Variants in VEZT observed in about 807,000 individuals in gnomAD.
VEZT encodes vezatin.
A neutral mutation model predicts 79.9 loss-of-function variants in VEZT; 39 were observed. That is an observed-to-expected ratio of 0.49 (90% CI 0.38 to 0.64). VEZT has a LOEUF of 0.64. VEZT is among the 30% of genes least tolerant of loss of function. VEZT has a pLI of 0.00. For missense variants in VEZT, 837 were observed against 893.1 expected, an observed-to-expected ratio of 0.94 and a Z score of 0.80; for synonymous variants, 325 against 327.6, an observed-to-expected ratio of 0.99 and a Z score of 0.09.
At chr12:95,299,710 C>T (rs73227441) in intron 11 of VEZT, 3,886 of 152,368 alleles carry the variant, frequency 0.026, 99 homozygotes, top group South Asian at 0.11. Context: ...CTGCTTATTC[C>T]CTAATACAAT....
chr12:95,222,798 C>T (rs142708429), intron 1 of VEZT, among the ~76,000 whole-genome samples: 3 of 152,266 alleles, frequency 2.0e-5, no homozygotes, highest in East Asian at 1.9e-4. Flanking sequence ...TCTTCCAATC[C>T]GTGAACATTT....
intron 11 of VEZT, among the ~76,000 whole-genome samples, chr12:95,297,483 T>C (rs1406279893): frequency 6.6e-6 from 1 of 152,126 alleles, no homozygotes; most frequent in African/African-American, 2.4e-5. Context: ...TTCTTCCCAT[T>C]GGCCCCCTTT....
At chr12:95,278,840 G>C (rs985444562) in intron 7 of VEZT, among the ~76,000 whole-genome samples, 1 of 152,202 alleles carries the variant, frequency 6.6e-6, no homozygotes, top group Non-Finnish European at 1.5e-5. Flanking sequence ...AGGCCAAGGC[G>C]GGCGGATCAA....
At position 95,295,919 on chromosome 12, in the gene VEZT, C is replaced by G. The variant is rs545406527; in HGVS notation, c.1624-132C>G. ...TATTTGCTTTTTTCTTTTCCTAGCT[C>G]TGCTTTAATGACCTGTGCCAAATGC... is the stretch of plus-strand genomic sequence containing the variant. On this transcript the variant is annotated intron_variant, in intron 10 of 11. Coordinates refer to ENST00000436874, the MANE Select transcript of VEZT (RefSeq NM_017599.4). 9 of 659,536 alleles carry G rather than the reference C, an allele frequency of 1.4e-5. No individual in the cohort carries two copies. The East Asian group carries it at 2.6e-4, about 19-fold the overall frequency. 40.9% of individuals were successfully genotyped at this position (659,536 alleles called of 1,614,324 possible).
chr12:95,219,330 CA>C (rs1002072970), intron 1 of VEZT, among the ~76,000 whole-genome samples: 5 of 152,144 alleles, frequency 3.3e-5, no homozygotes, highest in African/African-American at 1.2e-4. Context: ...TCCCACCACC[CA>C]AAGATGGTAA....
chr12:95,248,457 T>C (rs2062010985), intron 1 of VEZT, among the ~76,000 whole-genome samples: 1 of 152,220 alleles, frequency 6.6e-6, no homozygotes, highest in Non-Finnish European at 1.5e-5. Flanking sequence ...CTTGTTTCTC[T>C]TCTGGTTATC....
intron 8 of VEZT, 109 bp from the exon 9 acceptor site, chr12:95,287,555 G>T: frequency 9.6e-7 from 1 of 1,038,336 alleles, no homozygotes; most frequent in Non-Finnish European, 1.3e-6. Context: ...CACCTGCCTT[G>T]GCCTCCCAAA....
chr12:95,259,920 CTTAA>C (rs2064092151), intron 3 of VEZT, among the ~76,000 whole-genome samples: 1 of 152,030 alleles, frequency 6.6e-6, no homozygotes, highest in Non-Finnish European at 1.5e-5. Context: ...AAGAAAGAAA[CTTAA>C]TTCATTAATC....
intron 1 of VEZT, among the ~76,000 whole-genome samples, chr12:95,222,218 T>TA (rs1297900903): frequency 1.3e-5 from 2 of 152,220 alleles, no homozygotes; most frequent in East Asian, 1.9e-4. Flanking sequence ...TTAGTGCTGT[T>TA]AAAAAAATAT....
Position 95,240,995 on chromosome 12 carries a change from C to T in VEZT, c.37-10945C>T, listed in dbSNP as rs139883385. 4.5e-3 allele frequency among the ~76,000 whole-genome samples: 682 copies of T among 152,068 alleles called. 6 individuals are homozygous for T. The highest frequency in any genetic ancestry group is 0.014 in the Middle Eastern group (4 of 294). The stretch of plus-strand genomic sequence containing the variant: ...ATCTCTACACACTAGATACCAGTAG[C>T]GCTGCTCACATCCACCCCACAGTTT... On this transcript the variant is annotated intron_variant, in intron 1 of 11. Transcript: ENST00000436874.
chr12:95,244,584 T>C lies in VEZT; in HGVS notation c.37-7356T>C, dbSNP rs556368887. ...GTCACTTTAGTCTTTCCCCACCCTC[T>C]TGCCTCTTTTTTTTTTTTTCTGAGA... On this transcript the variant is annotated intron_variant, in intron 1 of 11. Transcript: ENST00000436874. Among the ~76,000 whole-genome samples, 12 of 150,480 alleles carry C rather than the reference T, an allele frequency of 8.0e-5. No homozygotes were observed. The South Asian group carries it at 2.5e-3, about 32-fold the overall frequency.
rs760021396 is a variant in VEZT, at chr12:95,266,394, G to A, written c.472G>A (p.Val158Ile). Residue 158 changes from valine (V) to isoleucine (I), a missense_variant, in exon 5 of 12, where the codon GTT becomes ATT. By Grantham distance (29) the Val-to-Ile change is conservative. Coordinates refer to ENST00000436874, the MANE Select transcript of VEZT (RefSeq NM_017599.4). ...SMLFAFISLL[V>I]MLPTWWIVSS... ...GCTATTTGCCTTCATTAGCTTGCTC[G>A]TTATGCTTCCCACTTGGTGGATTGT... is the stretch of plus-strand genomic sequence containing the variant. 2.2e-5 allele frequency: 36 copies of A among 1,613,332 alleles called. No homozygotes were observed. The Admixed American group carries it at 4.0e-4, about 18-fold the overall frequency.
intron 9 of VEZT, among the ~76,000 whole-genome samples, chr12:95,289,005 A>G (rs987706876): frequency 6.6e-6 from 1 of 151,628 alleles, no homozygotes; most frequent in African/African-American, 2.4e-5. Flanking sequence ...CTTAAGCCCA[A>G]GAGTTTGAGG....
At chr12:95,254,725 A>G (rs562018550) in intron 2 of VEZT, among the ~76,000 whole-genome samples, 1 of 152,364 alleles carries the variant, frequency 6.6e-6, no homozygotes, top group African/African-American at 2.4e-5. Flanking sequence ...ATGTATGTTT[A>G]GAATTGCTCC....
chr12:95,224,830 T>A (rs1254147538), intron 1 of VEZT, among the ~76,000 whole-genome samples: 1 of 152,196 alleles, frequency 6.6e-6, no homozygotes, highest in Non-Finnish European at 1.5e-5. Context: ...TGGAAGACAG[T>A]TTTTCCAGAT....
intron 1 of VEZT, 160 bp downstream of exon 1, chr12:95,218,046 C>T (rs1375788543): frequency 4.8e-6 from 3 of 625,560 alleles, no homozygotes; most frequent in Non-Finnish European, 7.5e-6. Flanking sequence ...AGTCCGTCGT[C>T]GCCTGACAGG....
Position 95,287,652 on chromosome 12 carries a change from T to C in VEZT, c.1329-12T>C, listed in dbSNP as rs1366079805. On this transcript the variant is annotated splice_polypyrimidine_tract_variant and intron_variant, in intron 8 of 11. Coordinates refer to ENST00000436874, the MANE Select transcript of VEZT (RefSeq NM_017599.4). ...TTATAGAAATCTGTTTCTGTTTTTC[T>C]TTATGACTCAGGGTAATAATTCTTG... 9.3e-6 allele frequency: 14 copies of C among 1,503,268 alleles called. No homozygotes were observed. Among genetic ancestry groups the C allele is most frequent in the Non-Finnish European group, 1.2e-5 (13 of 1,124,394 alleles). 93.1% of individuals were successfully genotyped at this position (1,503,268 alleles called of 1,614,324 possible). A position where few individuals can be genotyped will look rare whatever the true frequency, so the allele number is the denominator to read the frequency against.
chr12:95,245,558 A>T (rs1490490104), intron 1 of VEZT: 2 of 456,634 alleles, frequency 4.4e-6, no homozygotes, highest in African/African-American at 4.0e-5. Flanking sequence ...TTCAGTAAGT[A>T]TTTATTATTG....
At chr12:95,269,205 C>T (rs982053577) in intron 5 of VEZT, among the ~76,000 whole-genome samples, 1 of 152,154 alleles carries the variant, frequency 6.6e-6, no homozygotes, top group Admixed American at 6.5e-5. Flanking sequence ...AAAAATTTAT[C>T]TGATAACCAG....
Sources: gnomAD v4.1 joint callset for allele counts (sites outside exome capture counted in the v4.1 genomes callset) on GRCh38, gnomAD v4.1.1 for gene constraint, MANE v1.5 for transcripts, NCBI Gene and HGNC (gene_info 2026-07-23, HGNC 2026-07-21) for gene names.